Variants in ZNF236 observed in about 807,000 individuals in gnomAD.
The protein encoded by ZNF236 is regulated by glucose.
A neutral mutation model predicts 191.2 loss-of-function variants in ZNF236; 50 were observed. That is an observed-to-expected ratio of 0.26 (90% CI 0.21 to 0.33). The LOEUF (loss-of-function observed/expected upper bound fraction) is 0.33. Ranked by LOEUF, ZNF236 falls within the 10% of genes least tolerant of loss-of-function variation. The pLI is 1.00. For missense variants in ZNF236, 1,754 were observed against 2,374.5 expected (o/e 0.74, Z 5.43); for synonymous variants, 907 against 928.8 (o/e 0.98, Z 0.43).
At chr18:76,834,799 C>CA (rs1265338656) in intron 1 of ZNF236, 3 of 470,048 alleles carry the variant, frequency 6.4e-6, no homozygotes, top group East Asian at 5.8e-5. Context: ...GAAGGGAAGA[C>CA]AAAATCTTCC....
chr18:76,869,910 C>T (rs1032850660), intron 4 of ZNF236, among the ~76,000 whole-genome samples: 9 of 152,110 alleles, frequency 5.9e-5, no homozygotes, highest in African/African-American at 1.9e-4. Context: ...GAGCCGAGAT[C>T]GTGCCACTGC....
At chr18:76,896,072 C>T (rs1179458050) in intron 10 of ZNF236, among the ~76,000 whole-genome samples, 1 of 151,704 alleles carries the variant, frequency 6.6e-6, no homozygotes, top group African/African-American at 2.4e-5. Context: ...CAGTACCAAA[C>T]ACAGTACTAA....
intron 25 of ZNF236, 76 bp downstream of exon 25, chr18:76,928,182 C>A (rs1967758053): frequency 1.7e-6 from 2 of 1,204,544 alleles, no homozygotes; most frequent in African/African-American, 1.5e-5. Flanking sequence ...TCTTTTCCTA[C>A]AATACTCTGC....
At chr18:76,853,553 T>C (rs1238149303) in intron 3 of ZNF236, among the ~76,000 whole-genome samples, 1 of 152,128 alleles carries the variant, frequency 6.6e-6, no homozygotes, top group African/African-American at 2.4e-5. Flanking sequence ...TTAACAAAGC[T>C]GAACACATAG....
At position 76,919,912 on chromosome 18, in the gene ZNF236, A is replaced by G. The variant is rs561362314; in HGVS notation, c.3411A>G (p.Ser1137=). The G allele has an allele frequency of 3.7e-6, 6 of 1,614,224 alleles. No homozygotes were observed. The East Asian group carries it at 6.7e-5, about 18-fold the overall frequency. The change falls in exon 20 of 31, where the codon TCA becomes TCG. Residue 1137 remains serine (S), a synonymous_variant. Coordinates refer to ENST00000320610, the MANE Select transcript of ZNF236 (RefSeq NM_001306089.2). The surrounding 1 kb of genome is among the most constrained non-coding windows in gnomAD (Gnocchi z 5.3). The part of the protein sequence containing the change: ...KIRPQESATV[S]EKVLVQSAAE... ...GGCCGCAGGAGAGCGCCACGGTGTC[A>G]GAGAAGGTCCTGGTGCAGTCCGCGG...
chr18:76,895,035 C>T lies in ZNF236; in HGVS notation c.1440C>T (p.Gly480=), dbSNP rs375057000. ...FLPGSIREEN[G]VRWHVCPYCA... is the part of the protein sequence containing the mutation. ...CAGGCTCCATCCGCGAGGAGAACGGCGTGCGCTGGCATGTGTGTCCCTACT... is the reference window on the plus strand; with the variant it reads ...CAGGCTCCATCCGCGAGGAGAACGGTGTGCGCTGGCATGTGTGTCCCTACT... Residue 480 remains glycine, a synonymous_variant, in exon 10 of 31, where the codon GGC becomes GGT. Transcript: ENST00000320610. 1.2e-6 allele frequency: 2 copies of T among 1,610,326 alleles called. No individual in the cohort carries two copies. Among genetic ancestry groups the T allele is most frequent in the Non-Finnish European group, 1.7e-6 (2 of 1,179,982 alleles).
chr18:76,913,735 T>C lies in ZNF236; in HGVS notation c.2910-12T>C. 1 of 1,613,228 alleles carries C rather than the reference T, an allele frequency of 6.2e-7. No homozygotes were observed. Among genetic ancestry groups the C allele is most frequent in the Non-Finnish European group, 8.5e-7 (1 of 1,179,224 alleles). On this transcript the variant is annotated splice_polypyrimidine_tract_variant and intron_variant, in intron 17 of 30. Transcript: ENST00000320610. ...ATTAACGTGGTCTGAGTTCTGTATG[T>C]TTGCTTTGTAGGTGTGACTATTGCA...
intron 11 of ZNF236, among the ~76,000 whole-genome samples, chr18:76,902,966 G>C (rs74702345): frequency 0.012 from 1,802 of 152,270 alleles, 27 homozygotes; most frequent in African/African-American, 0.037. Context: ...GGTGGTGTCA[G>C]AGCTGCCTGG....
At chr18:76,895,547 A>G (rs1013200952) in intron 10 of ZNF236, among the ~76,000 whole-genome samples, 3 of 151,544 alleles carry the variant, frequency 2.0e-5, no homozygotes, top group African/African-American at 4.8e-5. Flanking sequence ...CAACACAGCA[A>G]TGTGCACAGG....
At chr18:76,882,987 A>AT (rs1264656609) in intron 9 of ZNF236, among the ~76,000 whole-genome samples, 4 of 152,196 alleles carry the variant, frequency 2.6e-5, no homozygotes, top group Non-Finnish European at 5.9e-5. Context: ...ATGCTTTCAC[A>AT]TGGGCAGCAA....
chr18:76,867,539 A>G (rs1455284872), intron 3 of ZNF236, among the ~76,000 whole-genome samples: 1 of 152,220 alleles, frequency 6.6e-6, no homozygotes, highest in Non-Finnish European at 1.5e-5. Context: ...GATAGGAAAA[A>G]ATCAATGTAT....
At chr18:76,920,606 G>A (rs10514229) in intron 20 of ZNF236, among the ~76,000 whole-genome samples, 3,937 of 151,832 alleles carry the variant, frequency 0.026, 155 homozygotes, top group African/African-American at 0.087. Context: ...ATTTCTGTAT[G>A]GTTGTCATAG....
chr18:76,880,519 T>TA lies in ZNF236; in HGVS notation c.1188+213dup, dbSNP rs950320112. ...TCAAATGATTTATTCATCTATACAT[T>TA]AAAAAAAAAATCACAAACTTTTATT... is the stretch of plus-strand genomic sequence containing the variant. On this transcript the variant is annotated intron_variant, in intron 8 of 30. Coordinates refer to ENST00000320610, the MANE Select transcript of ZNF236 (RefSeq NM_001306089.2). This position sits in a 1 kb window ranked among gnomAD's most constrained non-coding sequence, Gnocchi z 5.0. 1.5e-4 allele frequency among the ~76,000 whole-genome samples: 23 copies of TA among 149,846 alleles called. No individual in the cohort carries two copies. The highest frequency in any genetic ancestry group is 4.2e-4 in the South Asian group (2 of 4,738).
Position 76,875,678 on chromosome 18 carries a change from G to T in ZNF236, c.840+14G>T. 2.0e-6 allele frequency: 3 copies of T among 1,536,984 alleles called. No homozygotes were observed. The highest frequency in any genetic ancestry group is 2.7e-5 in the African/African-American group (2 of 72,860). On this transcript the variant is annotated intron_variant, in intron 6 of 30. Coordinates refer to ENST00000320610, the MANE Select transcript of ZNF236 (RefSeq NM_001306089.2). This position sits in a 1 kb window ranked among gnomAD's most constrained non-coding sequence, Gnocchi z 4.3. ...GTCCACTCAGAGGTAAACACGGGTT[G>T]GGGGCATAAGCGGTATTTCACAGGG...
Position 76,959,746 on chromosome 18 carries a change from T to G in ZNF236, c.5172T>G (p.Phe1724Leu). 1.2e-6 allele frequency: 2 copies of G among 1,614,090 alleles called. No homozygotes were observed. The highest frequency in any genetic ancestry group is 1.7e-6 in the Non-Finnish European group (2 of 1,179,984). The change falls in exon 29 of 31, where the codon TTT (phenylalanine) becomes TTG (leucine). Residue 1724 changes from phenylalanine (F) to leucine (L), a missense_variant. Transcript: ENST00000320610. ...TGAGCTCCCAGAAGCCAAGAGTGTT[T>G]AAATGTGACACTTGTGAGAAGGCAT... ...PSLSSQKPRVFKCDTCEKAFA... is the reference protein window; with the variant it reads ...PSLSSQKPRVLKCDTCEKAFA...
rs1246102035 is a variant in ZNF236 at position 76,927,334 on chromosome 18, C to T, written c.4231C>T (p.Leu1411Phe). The change falls in exon 24 of 31, where the codon CTC becomes TTC. Residue 1411 changes from leucine to phenylalanine, a missense_variant. Leu to Phe is a conservative substitution (Grantham distance 22). Transcript: ENST00000320610. The surrounding 1 kb of genome is among the most constrained non-coding windows in gnomAD (Gnocchi z 5.4). Reference protein sequence around the residue: ...LQQGNLLAQQLTGEPGLAPQN... With the variant: ...LQQGNLLAQQFTGEPGLAPQN... The stretch of plus-strand genomic sequence containing the variant: ...GCAGGGCAACCTATTGGCTCAGCAG[C>T]TCACGGGGGAGCCTGGCCTGGCCCC... 1.2e-6 allele frequency: 2 copies of T among 1,614,052 alleles called. No individual in the cohort carries two copies. The highest frequency in any genetic ancestry group is 2.7e-5 in the African/African-American group (2 of 74,918).
intron 3 of ZNF236, among the ~76,000 whole-genome samples, chr18:76,868,173 C>G (rs1329587669): frequency 6.6e-6 from 1 of 152,174 alleles, no homozygotes; most frequent in Non-Finnish European, 1.5e-5. Context: ...TTCACACGCT[C>G]AGTCAGCCGG....
intron 11 of ZNF236, among the ~76,000 whole-genome samples, chr18:76,899,839 C>T (rs1017333989): frequency 3.3e-5 from 5 of 152,100 alleles, no homozygotes; most frequent in Non-Finnish European, 7.4e-5. Flanking sequence ...TCAAAAATAC[C>T]ACTAACTGTG....
rs778262700 is a variant in ZNF236 at position 76,849,597 on chromosome 18, A to G, written c.127A>G (p.Ile43Val). 1.9e-6 allele frequency: 3 copies of G among 1,612,126 alleles called. No homozygotes were observed. Among genetic ancestry groups the G allele is most frequent in the Admixed American group, 3.4e-5 (2 of 59,432 alleles). The change falls in exon 2 of 31, where the codon ATC (isoleucine) becomes GTC (valine). Residue 43 changes from isoleucine to valine, a missense_variant. Ile to Val is a conservative substitution (Grantham distance 29, BLOSUM62 3). Coordinates refer to ENST00000320610, the MANE Select transcript of ZNF236 (RefSeq NM_001306089.2). The stretch of plus-strand genomic sequence containing the variant: ...AGTTCCAAACTTCCATAAATGTGAA[A>G]TCTGTCTACTATCTTTTCCAAAAGA... ...YQVPNFHKCE[I>V]CLLSFPKESQ...
Sources: gnomAD v4.1 joint callset for allele counts (sites outside exome capture counted in the v4.1 genomes callset) on GRCh38, gnomAD v4.1.1 for gene constraint, Gnocchi (gnomAD v3.1) non-coding constraint, MANE v1.5 for transcripts, NCBI Gene and HGNC (gene_info 2026-07-23, HGNC 2026-07-21) for gene names.